The following DICER1 variants were observed in gnomAD, a reference collection of about 807,000 sequenced individuals.
The protein encoded by DICER1 is dicer 1, ribonuclease III.
A neutral mutation model predicts 194.1 loss-of-function variants in DICER1; 43 were observed. The observed-to-expected ratio is 0.22, with a 90% CI of 0.17 to 0.29. The LOEUF is 0.29. Among genes scored for constraint, DICER1 ranks in the 10% least tolerant of loss-of-function variants. The pLI is 1.00. For missense variants in DICER1, 1,608 were observed against 2,317.0 expected, an observed-to-expected ratio of 0.69 and a Z score of 6.28; for synonymous variants, 832 against 820.5, an observed-to-expected ratio of 1.01 and a Z score of -0.24.
intron 8 of DICER1, among the ~76,000 whole-genome samples, chr14:95,120,373 A>G (rs1330072629): frequency 6.6e-6 from 1 of 152,242 alleles, no homozygotes; most frequent in Non-Finnish European, 1.5e-5. Flanking sequence ...CATTTTTAAT[A>G]CAAAGTCTCT....
Position 95,087,300 on chromosome 14 carries a change from T to C in DICER1, c.*3198A>G. On this transcript the variant is annotated 3_prime_UTR_variant, in exon 27 of 27. Transcript: ENST00000343455. ...AAGACAATTACAGGAGTGTTAGAGG[T>C]CATTCTAAATTTCATCACTTCACGT... 1 of 233,240 alleles carries C rather than the reference T, an allele frequency of 4.3e-6. No homozygotes were observed. Among genetic ancestry groups the C allele is most frequent in the Non-Finnish European group, 8.5e-6 (1 of 117,848 alleles). 14.4% of individuals were successfully genotyped at this position (233,240 alleles called of 1,614,324 possible).
intron 14 of DICER1, among the ~76,000 whole-genome samples, chr14:95,110,742 A>T (rs1166116885): frequency 2.6e-5 from 4 of 152,122 alleles, no homozygotes; most frequent in Non-Finnish European, 1.5e-5. Context: ...CTATTACTAG[A>T]AGTTAGATTT....
intron 8 of DICER1, 66 bp from the exon 9 acceptor site, chr14:95,117,820 GCCTC>G: frequency 3.3e-6 from 5 of 1,526,350 alleles, no homozygotes; most frequent in Non-Finnish European, 4.5e-6. Flanking sequence ...TGTTTTTAAA[GCCTC>G]CTTTAAAATG....
At chr14:95,134,388 A>G (rs1894201246) in intron 1 of DICER1, 1 of 152,228 alleles carries the variant, frequency 6.6e-6, no homozygotes, top group African/African-American at 2.4e-5. Flanking sequence ...AGGGATTCAA[A>G]TATCTGTGTG....
chr14:95,153,277 T>C (rs1375726027), intron 1 of DICER1, among the ~76,000 whole-genome samples: 3 of 151,988 alleles, frequency 2.0e-5, no homozygotes, highest in Admixed American at 1.3e-4. Context: ...GCCCATGTTG[T>C]CCACAGAGCT....
At chr14:95,154,328 C>G (rs1275103922) in intron 1 of DICER1, among the ~76,000 whole-genome samples, 1 of 152,110 alleles carries the variant, frequency 6.6e-6, no homozygotes, top group Non-Finnish European at 1.5e-5. Flanking sequence ...TTTTGAAGAT[C>G]AAGAAACAAT....
chr14:95,114,542 G>A (rs1892266998), intron 11 of DICER1, among the ~76,000 whole-genome samples: 1 of 152,182 alleles, frequency 6.6e-6, no homozygotes, highest in East Asian at 1.9e-4. Flanking sequence ...AGCCATCATA[G>A]TAATAATCAA....
chr14:95,156,480 T>A (rs968650673), intron 1 of DICER1, among the ~76,000 whole-genome samples: 10 of 152,196 alleles, frequency 6.6e-5, no homozygotes, highest in African/African-American at 1.4e-4. Context: ...AAGGACACAC[T>A]CAGTGGTTTG....
At position 95,103,407 on chromosome 14, in the gene DICER1, T is replaced by C. The variant is rs1595363934; in HGVS notation, c.3989A>G (p.Tyr1330Cys). Residue 1330 changes from tyrosine to cysteine, a missense_variant, in exon 21 of 27, where the codon TAT becomes TGT. Tyr to Cys is a radical substitution (Grantham distance 194). Transcript: ENST00000343455. ...CGCATCAGGGTAAGTGCAAAATAGA[T>C]ATGTGGTGATGGCATGCTTTAAAAA... is the stretch of plus-strand genomic sequence containing the variant. ...DSFLKHAITT[Y>C]LFCTYPDAHE... The C allele has an allele frequency of 6.2e-7, 1 of 1,614,154 alleles. No individual in the cohort carries two copies. Among genetic ancestry groups the C allele is most frequent in the Non-Finnish European group, 8.5e-7 (1 of 1,180,014 alleles).
rs748819990 is a variant in DICER1 at position 95,133,330 on chromosome 14, C to G, written c.129G>C (p.Thr43=). The G allele has an allele frequency of 3.1e-6, 5 of 1,613,882 alleles. No homozygotes were observed. Among genetic ancestry groups the G allele is most frequent in the Non-Finnish European group, 4.2e-6 (5 of 1,180,004 alleles). The change falls in exon 2 of 27, where the codon ACG becomes ACC. Residue 43 remains threonine (T), a synonymous_variant. Transcript: ENST00000343455. Reference sequence around the variant, plus strand: ...GCATTAGTACCTGATATTTTCTTGGCGTATAAATGTTATCATGAATTGCTT... The same window carrying G: ...GCATTAGTACCTGATATTTTCTTGGGGTATAAATGTTATCATGAATTGCTT... ...QQEAIHDNIY[T]PRKYQVELLE...
intron 24 of DICER1, among the ~76,000 whole-genome samples, chr14:95,091,833 T>C (rs936254076): frequency 2.6e-5 from 4 of 152,264 alleles, no homozygotes; most frequent in Middle Eastern, 6.8e-3. Context: ...TGTAGGGAAA[T>C]AGGGAAATTA....
chr14:95,095,829 G>C lies in DICER1; in HGVS notation c.5091C>G (p.Ile1697Met), dbSNP rs753251774. ...FTHASYHYNTITDCYQRLEFL... is the reference protein window; with the variant it reads ...FTHASYHYNTMTDCYQRLEFL... The stretch of plus-strand genomic sequence containing the variant: ...GTCTGGTCGTGGGCTCCTTACCAGT[G>C]ATAGTATTGTAGTGGTAGGAGGCAT... The change falls in exon 23 of 27, where the codon ATC (isoleucine) becomes ATG (methionine). Residue 1697 changes from isoleucine (I) to methionine (M), a missense_variant. Transcript: ENST00000343455. 1.9e-6 allele frequency: 3 copies of C among 1,614,054 alleles called. No individual in the cohort carries two copies. Among genetic ancestry groups the C allele is most frequent in the Admixed American group, 1.7e-5 (1 of 60,034 alleles).
At chr14:95,123,442 A>G (rs1893114622) in intron 8 of DICER1, among the ~76,000 whole-genome samples, 1 of 152,152 alleles carries the variant, frequency 6.6e-6, no homozygotes, top group Non-Finnish European at 1.5e-5. Context: ...TTATTTTTGG[A>G]GACAAAGTCT....
intron 1 of DICER1, among the ~76,000 whole-genome samples, chr14:95,144,867 C>A (rs747390392): frequency 5.9e-5 from 9 of 152,172 alleles, no homozygotes; most frequent in Admixed American, 1.3e-4. Context: ...TAAACTCCCC[C>A]TTCTTCTACA....
intron 13 of DICER1, 125 bp downstream of exon 13, chr14:95,112,047 A>G: frequency 1.2e-6 from 1 of 808,288 alleles, no homozygotes; most frequent in Admixed American, 2.0e-5. Flanking sequence ...TCACCAAAGC[A>G]CATTAAGATC....
chr14:95,102,648 G>GT (rs1464576579), intron 21 of DICER1, among the ~76,000 whole-genome samples: 1 of 151,974 alleles, frequency 6.6e-6, no homozygotes, highest in African/African-American at 2.4e-5. Flanking sequence ...GCTTTCTAAG[G>GT]TATTTGTCCA....
In DICER1 at chr14:95,113,216, G is replaced by C. The variant is rs1892140133; in HGVS notation, c.1916C>G (p.Ala639Gly). The C allele has an allele frequency of 1.2e-6, 2 of 1,613,742 alleles. No individual in the cohort carries two copies. The highest frequency in any genetic ancestry group is 1.7e-6 in the Non-Finnish European group (2 of 1,179,630). The stretch of plus-strand genomic sequence containing the variant: ...AGTAAACGGATCACTTGGTAATCTA[G>C]CACAGTATCTGTGAAGAAAAAGAAA... The part of the protein sequence containing the change: ...TAIGHINRYC[A>G]RLPSDPFTHL... Residue 639 changes from alanine to glycine, a missense_variant, in exon 12 of 27, where the codon GCT becomes GGT. Around this residue, in one of 10 missense-constraint regions of DICER1, gnomAD observed 657 missense variants for 910.1 expected, o/e 0.72. Coordinates refer to ENST00000343455, the MANE Select transcript of DICER1 (RefSeq NM_177438.3).
chr14:95,094,481 G>C (rs934915284), intron 23 of DICER1, among the ~76,000 whole-genome samples: 3 of 152,178 alleles, frequency 2.0e-5, no homozygotes, highest in African/African-American at 7.2e-5. Context: ...TGCTGTCTGG[G>C]CAGGTGCTGG....
intron 1 of DICER1, among the ~76,000 whole-genome samples, chr14:95,150,156 T>A (rs915629185): frequency 6.6e-5 from 10 of 152,190 alleles, no homozygotes; most frequent in Non-Finnish European, 1.3e-4. Context: ...CTCAAGACAG[T>A]CTTATTTCTC....
Sources: gnomAD v4.1 joint callset for allele counts (sites outside exome capture counted in the v4.1 genomes callset) on GRCh38, gnomAD v4.1.1 for gene constraint, gnomAD v4.1.1 regional missense constraint, MANE v1.5 for transcripts, NCBI Gene and HGNC (gene_info 2026-07-23, HGNC 2026-07-21) for gene names.